ASRGL1: variants seen among roughly 807,000 people sequenced by gnomAD.
ASRGL1 encodes the protein isoaspartyl peptidase/L-asparaginase.
Under a neutral mutation model 22.4 loss-of-function variants are expected in ASRGL1, and 16 were observed. The observed-to-expected ratio is 0.71, with a 90% CI of 0.48 to 1.08. The LOEUF is 1.08. ASRGL1 is among the 50% of genes least tolerant of loss of function. ASRGL1 has a pLI of 0.00. For missense variants in ASRGL1, 412 were observed against 410.1 expected, an observed-to-expected ratio of 1.00 and a Z score of -0.04; for synonymous variants, 165 against 159.3, an observed-to-expected ratio of 1.04 and a Z score of -0.27.
chr11:62,372,579 C>T (rs1946802451), intron 4 of ASRGL1: 1 of 884,394 alleles, frequency 1.1e-6, no homozygotes, highest in Non-Finnish European at 1.9e-6. Flanking sequence ...AAGACAGATT[C>T]TGCCTGTACC....
intron 4 of ASRGL1, chr11:62,373,008 A>G (rs1946815804): frequency 7.2e-7 from 1 of 1,387,546 alleles, no homozygotes; most frequent in Admixed American, 1.7e-5. Context: ...CAGGGATCAC[A>G]AGCCCAAGTC....
At chr11:62,360,347 T>G (rs1946404126) in intron 4 of ASRGL1, among the ~76,000 whole-genome samples, 1 of 151,926 alleles carries the variant, frequency 6.6e-6, no homozygotes, top group South Asian at 2.1e-4. Flanking sequence ...TTTTTTTAAT[T>G]TTTTTAGATT....
chr11:62,342,791 A>G (rs1263172648), intron 2 of ASRGL1, among the ~76,000 whole-genome samples: 1 of 152,154 alleles, frequency 6.6e-6, no homozygotes, highest in Non-Finnish European at 1.5e-5. Flanking sequence ...GGAATCACAC[A>G]ATGTGTAGCC....
At position 62,351,796 on chromosome 11, in the gene ASRGL1, C is replaced by T. The variant is rs28641974; in HGVS notation, c.191-4529C>T. On this transcript the variant is annotated intron_variant, in intron 2 of 6. Transcript: ENST00000415229. ...AAGTGATCCTCCCACCTCAGCCTCC[C>T]GAGTAAAGCTGGAACTGCAGGTGAG... is the stretch of plus-strand genomic sequence containing the variant. Among the ~76,000 whole-genome samples the T allele has an allele frequency of 5.1e-3, 777 of 152,180 alleles. 2 individuals carry two copies. Among genetic ancestry groups the T allele is most frequent in the African/African-American group, 0.015 (616 of 41,506 alleles).
At position 62,373,165 on chromosome 11, in the gene ASRGL1, A is replaced by G. The variant is rs113689111; in HGVS notation, c.492-15968A>G. On this transcript the variant is annotated intron_variant, in intron 4 of 6. Coordinates refer to ENST00000415229, the MANE Select transcript of ASRGL1 (RefSeq NM_001083926.2). ...AAGAAACTGCCAGAATACAGCCCCC[A>G]AACCCTCTGATGCTCCCAGAGACTC... is the stretch of plus-strand genomic sequence containing the variant. The G allele has an allele frequency of 2.6e-3, 3,337 of 1,261,544 alleles. 53 individuals are homozygous for G. In the African/African-American group the frequency reaches 0.033, roughly 12 times the overall value. The allele number at this position is 1,261,544 out of a possible 1,614,324, so 78.1% of individuals were successfully genotyped here. A position where few individuals can be genotyped will look rare whatever the true frequency, so the allele number is the denominator to read the frequency against.
chr11:62,362,809 G>GACACACACACACAC (rs1257030349), intron 4 of ASRGL1, among the ~76,000 whole-genome samples: 1 of 6,972 alleles, frequency 1.4e-4, no homozygotes, highest in East Asian at 3.4e-3. Flanking sequence ...TTGCTTATCT[G>GACACACACACACAC]ACATACACAC....
intron 4 of ASRGL1, among the ~76,000 whole-genome samples, chr11:62,373,713 C>T (rs1221511549): frequency 6.6e-6 from 1 of 152,258 alleles, no homozygotes; most frequent in African/African-American, 2.4e-5. Flanking sequence ...CGGCCTAGGC[C>T]GGTGTCAGTT....
chr11:62,348,464 G>A (rs941269987), intron 2 of ASRGL1, among the ~76,000 whole-genome samples: 10 of 152,188 alleles, frequency 6.6e-5, no homozygotes, highest in Non-Finnish European at 1.5e-4. Flanking sequence ...AGCACTTTGG[G>A]AGGCCGAGGC....
Position 62,369,201 on chromosome 11 carries a change from TG to T in ASRGL1, c.491+12058del, listed in dbSNP as rs1946696654. ...CTGGGTAGTTGAGATTAGAGAATGG[TG>T]ATGACTTTTAACAAGCATACTGCCT... On this transcript the variant is annotated intron_variant, in intron 4 of 6. Coordinates refer to ENST00000415229, the MANE Select transcript of ASRGL1 (RefSeq NM_001083926.2). Among the ~76,000 whole-genome samples, 5 of 152,280 alleles carry T rather than the reference TG, an allele frequency of 3.3e-5. No homozygotes were observed. In the South Asian group the frequency reaches 1.0e-3, roughly 32 times the overall value.
chr11:62,366,968 G>A (rs1946625708), intron 4 of ASRGL1, among the ~76,000 whole-genome samples: 1 of 152,214 alleles, frequency 6.6e-6, no homozygotes, highest in African/African-American at 2.4e-5. Context: ...AGCTTGGGAG[G>A]CTGAGGCGGG....
intron 4 of ASRGL1, among the ~76,000 whole-genome samples, chr11:62,376,237 C>T (rs1031705727): frequency 2.6e-4 from 40 of 151,080 alleles, no homozygotes; most frequent in Middle Eastern, 3.4e-3. Flanking sequence ...TCAGTGGCTC[C>T]GCTTTCTTGG....
intron 4 of ASRGL1, among the ~76,000 whole-genome samples, chr11:62,366,299 A>G (rs1235161576): frequency 6.7e-6 from 1 of 149,024 alleles, no homozygotes; most frequent in Non-Finnish European, 1.5e-5. Flanking sequence ...ACAGTGAAAC[A>G]TATATACAAG....
At chr11:62,353,207 A>G (rs1946206505) in intron 2 of ASRGL1, among the ~76,000 whole-genome samples, 2 of 151,922 alleles carry the variant, frequency 1.3e-5, no homozygotes, top group Admixed American at 6.6e-5. Flanking sequence ...AAGCCCATCC[A>G]TTGAGATTTC....
rs370544819 is a variant in ASRGL1, at chr11:62,341,031, G to A, written c.190+2864G>A. 1.8e-4 allele frequency among the ~76,000 whole-genome samples: 27 copies of A among 152,202 alleles called. No individual in the cohort carries two copies. The South Asian group carries it at 5.4e-3, about 30-fold the overall frequency. On this transcript the variant is annotated intron_variant, in intron 2 of 6. Transcript: ENST00000415229. ...TTTAGATACCAACACTGTAAAGACTGAACTTTTAAATTTGAATGCTAGGAA... is the reference window on the plus strand; with the variant it reads ...TTTAGATACCAACACTGTAAAGACTAAACTTTTAAATTTGAATGCTAGGAA...
chr11:62,374,055 T>C (rs1946849014), intron 4 of ASRGL1, among the ~76,000 whole-genome samples: 1 of 152,186 alleles, frequency 6.6e-6, no homozygotes, highest in South Asian at 2.1e-4. Context: ...GATCAGCCCT[T>C]TCTGTACCAG....
At chr11:62,372,724 C>T (rs959042229) in intron 4 of ASRGL1, 100 of 1,452,534 alleles carry the variant, frequency 6.9e-5, no homozygotes, top group Non-Finnish European at 8.4e-5. Context: ...GAGATGGTCC[C>T]CCGCCTGGTG....
intron 2 of ASRGL1, among the ~76,000 whole-genome samples, chr11:62,355,929 G>A (rs1449172147): frequency 1.3e-5 from 2 of 152,294 alleles, no homozygotes; most frequent in Non-Finnish European, 2.9e-5. Context: ...AGAGAGCACA[G>A]GGTTGGGGGT....
intron 2 of ASRGL1, among the ~76,000 whole-genome samples, chr11:62,345,091 T>C (rs889727487): frequency 2.0e-5 from 3 of 152,194 alleles, no homozygotes; most frequent in African/African-American, 7.2e-5. Context: ...ATTGTGTATA[T>C]GTATCATTTC....
intron 4 of ASRGL1, among the ~76,000 whole-genome samples, chr11:62,362,602 TA>T (rs1946482996): frequency 1.8e-5 from 1 of 54,076 alleles, no homozygotes; most frequent in African/African-American, 6.0e-5. Context: ...ATATATATTA[TA>T]TAAAATATAT....
Sources: gnomAD v4.1 joint callset for allele counts (sites outside exome capture counted in the v4.1 genomes callset) on GRCh38, gnomAD v4.1.1 for gene constraint, MANE v1.5 for transcripts, NCBI Gene and HGNC (gene_info 2026-07-23, HGNC 2026-07-21) for gene names.